The following PHF24 variants were observed in gnomAD, a reference collection of about 807,000 sequenced individuals.
The protein encoded by PHF24 is PHD finger protein 24.
Under a neutral mutation model 42.6 loss-of-function variants are expected in PHF24, and 25 were observed. The observed-to-expected ratio is 0.59, with a 90% CI of 0.43 to 0.82. The LOEUF (loss-of-function observed/expected upper bound fraction) is 0.82. Ranked by LOEUF, PHF24 falls within the 40% of genes least tolerant of loss-of-function variation. The probability of loss-of-function intolerance (pLI) is 0.00; values close to 1 mark genes in which losing one functional copy is unlikely to be tolerated. For missense variants in PHF24, 470 were observed against 538.1 expected (o/e 0.87, Z 1.25); for synonymous variants, 185 against 204.8 (o/e 0.90, Z 0.83).
the PHF24 span, among the ~76,000 whole-genome samples, chr9:34,929,739 G>C: frequency 3.3e-3 from 496 of 152,306 alleles, 2 homozygotes; most frequent in Non-Finnish European, 5.2e-3. Flanking sequence ...ACATACTGCC[G>C]TGGGAGAATT....
At chr9:34,878,115 G>A in the PHF24 span, among the ~76,000 whole-genome samples, 1 of 152,146 alleles carries the variant, frequency 6.6e-6, no homozygotes, top group Non-Finnish European at 1.5e-5. Context: ...TTACAGTAAT[G>A]CAATATGTTA....
At chr9:34,969,893 T>A (rs1420934637) in intron 1 of PHF24, among the ~76,000 whole-genome samples, 1 of 152,160 alleles carries the variant, frequency 6.6e-6, no homozygotes, top group East Asian at 1.9e-4. Flanking sequence ...CCAAACAAAC[T>A]GAGCATAACC....
At chr9:34,814,836 G>A in the PHF24 span, among the ~76,000 whole-genome samples, 1 of 152,164 alleles carries the variant, frequency 6.6e-6, no homozygotes, top group East Asian at 1.9e-4. Flanking sequence ...TGCCTCCCGG[G>A]TTCAAGTGAT....
chr9:34,770,683 G>A, the PHF24 span, among the ~76,000 whole-genome samples: 1 of 152,088 alleles, frequency 6.6e-6, no homozygotes, highest in East Asian at 1.9e-4. Flanking sequence ...GAAGTTAGGG[G>A]AAGCAATAGA....
At chr9:34,814,694 CAGT>C in the PHF24 span, among the ~76,000 whole-genome samples, 11 of 152,210 alleles carry the variant, frequency 7.2e-5, no homozygotes. Context: ...ATTCATGAAA[CAGT>C]AGTAGGATAG....
the PHF24 span, among the ~76,000 whole-genome samples, chr9:34,825,103 C>T: frequency 0.059 from 8,515 of 144,436 alleles, 84 homozygotes; most frequent in African/African-American, 0.16. Context: ...GGAACCAGGA[C>T]CTGGTTCTTC....
At chr9:34,924,432 C>G in the PHF24 span, among the ~76,000 whole-genome samples, 1 of 152,136 alleles carries the variant, frequency 6.6e-6, no homozygotes, top group African/African-American at 2.4e-5. Flanking sequence ...ATAATATTTG[C>G]TTTATATATC....
the PHF24 span, among the ~76,000 whole-genome samples, chr9:34,939,124 T>C: frequency 1.8e-4 from 27 of 148,456 alleles, no homozygotes; most frequent in Admixed American, 1.8e-3. Context: ...CTACTAAAAA[T>C]ACAAAACTCA....
upstream of PHF24, among the ~76,000 whole-genome samples, chr9:34,953,215 C>T (rs1826301072): frequency 6.6e-6 from 1 of 152,206 alleles, no homozygotes; most frequent in Non-Finnish European, 1.5e-5. The surrounding 1 kb of genome is among the most constrained non-coding windows in gnomAD (Gnocchi z 4.1). Flanking sequence ...TTTTGTAAAA[C>T]ACATAGTTCA....
the PHF24 span, among the ~76,000 whole-genome samples, chr9:34,784,250 A>C: frequency 6.6e-6 from 1 of 152,096 alleles, no homozygotes. Flanking sequence ...GTATGTGCAC[A>C]AGTGAAAGTG....
At chr9:34,834,785 C>G in the PHF24 span, 9 of 1,542,038 alleles carry the variant, frequency 5.8e-6, no homozygotes, top group Admixed American at 9.8e-5. Flanking sequence ...GATCTGAGCT[C>G]GTTGATGGTC....
chr9:34,839,539 AT>A, the PHF24 span, among the ~76,000 whole-genome samples: 13,831 of 152,232 alleles, frequency 0.091, 1,474 homozygotes, highest in African/African-American at 0.26. Context: ...ATTTCTGAAT[AT>A]TCTTAGAAGG....
the PHF24 span, among the ~76,000 whole-genome samples, chr9:34,886,619 T>TA: frequency 6.6e-6 from 1 of 152,182 alleles, no homozygotes; most frequent in East Asian, 1.9e-4. Flanking sequence ...CTCCTCTGCC[T>TA]ACTGGTTCTT....
the PHF24 span, among the ~76,000 whole-genome samples, chr9:34,742,551 G>A: frequency 4.6e-5 from 7 of 152,102 alleles, no homozygotes; most frequent in Non-Finnish European, 5.9e-5. Flanking sequence ...TGCCAGCTAC[G>A]TCACCAAATG....
At chr9:34,708,050 G>A in the PHF24 span, among the ~76,000 whole-genome samples, 2 of 152,160 alleles carry the variant, frequency 1.3e-5, no homozygotes, top group Admixed American at 6.6e-5. Flanking sequence ...TACCTTTCTT[G>A]CCCTTCCCCA....
At chr9:34,757,106 T>C in the PHF24 span, among the ~76,000 whole-genome samples, 2 of 152,122 alleles carry the variant, frequency 1.3e-5, no homozygotes, top group Non-Finnish European at 2.9e-5. Flanking sequence ...CGTTTCACCA[T>C]GTTGGCCAGG....
intron 1 of PHF24, among the ~76,000 whole-genome samples, chr9:34,959,218 T>A (rs754489859): frequency 1.3e-5 from 2 of 152,142 alleles, no homozygotes; most frequent in African/African-American, 2.4e-5. Context: ...AAGGAAGCAG[T>A]AAGATCAGGT....
the PHF24 span, among the ~76,000 whole-genome samples, chr9:34,683,979 T>C: frequency 6.6e-6 from 1 of 152,220 alleles, no homozygotes; most frequent in Non-Finnish European, 1.5e-5. Flanking sequence ...GGACCATCTG[T>C]ACTGTACCGT....
chr9:34,741,492 A>C, the PHF24 span, among the ~76,000 whole-genome samples: 2,778 of 151,792 alleles, frequency 0.018, 40 homozygotes, highest in African/African-American at 0.041. Flanking sequence ...CCTCCTGAGT[A>C]GCTGGGATTA....
Sources: gnomAD v4.1 joint callset for allele counts (sites outside exome capture counted in the v4.1 genomes callset) on GRCh38, gnomAD v4.1.1 for gene constraint, Gnocchi (gnomAD v3.1) non-coding constraint, MANE v1.5 for transcripts, NCBI Gene and HGNC (gene_info 2026-07-23, HGNC 2026-07-21) for gene names.